Variants in JAKMIP3 observed in about 807,000 individuals in gnomAD.
The protein encoded by JAKMIP3 is Janus kinase and microtubule interacting protein 3.
In JAKMIP3, 58 loss-of-function variants were observed where a neutral mutation model predicts 118.5. The observed-to-expected ratio is 0.49, with a 90% CI of 0.40 to 0.61. The LOEUF (loss-of-function observed/expected upper bound fraction) is 0.61, where lower values mean the gene tolerates loss of function less well. Among genes scored for constraint, JAKMIP3 ranks in the 20% least tolerant of loss-of-function variants. The pLI, the probability that JAKMIP3 is intolerant of heterozygous loss-of-function variation, is 0.00. For synonymous variants in JAKMIP3, 486 were observed against 451.2 expected, an observed-to-expected ratio of 1.08 and a Z score of -0.98; for missense variants, 950 against 1,109.0, an observed-to-expected ratio of 0.86 and a Z score of 2.04.
Position 132,140,513 on chromosome 10 carries a change from C to A in JAKMIP3, c.1407C>A (p.Ser469=), listed in dbSNP as rs2053276307. The change falls in exon 10 of 24, where the codon TCC becomes TCA. Residue 469 remains serine, a synonymous_variant. Coordinates refer to ENST00000684848, the MANE Select transcript of JAKMIP3 (RefSeq NM_001323087.2). ...AGGCTTCCCTGGAATCCGACGGCTCCTCCGTCTCTTACCAAACAGACAGGA... is the reference window on the plus strand; with the variant it reads ...AGGCTTCCCTGGAATCCGACGGCTCATCCGTCTCTTACCAAACAGACAGGA... ...DEEASLESDG[S]SVSYQTDRTD... 1.9e-6 allele frequency: 3 copies of A among 1,613,720 alleles called. No homozygotes were observed.
upstream of JAKMIP3, among the ~76,000 whole-genome samples, chr10:132,065,752 C>A (rs558650354): frequency 6.6e-6 from 1 of 151,990 alleles, no homozygotes; most frequent in South Asian, 2.1e-4. The surrounding 1 kb of genome is among the most constrained non-coding windows in gnomAD (Gnocchi z 5.6). Context: ...TCTGTTCGCG[C>A]CCTGCAGGGA....
chr10:132,139,615 G>A (rs183656290), intron 9 of JAKMIP3, among the ~76,000 whole-genome samples: 205 of 152,334 alleles, frequency 1.3e-3, no homozygotes, highest in Non-Finnish European at 2.6e-3. Context: ...AAGGTGGAGA[G>A]GAGGAGCTGT....
chr10:132,150,194 C>T (rs1464609737), intron 16 of JAKMIP3, among the ~76,000 whole-genome samples, 153 bp downstream of exon 16: 4 of 151,692 alleles, frequency 2.6e-5, no homozygotes, highest in Non-Finnish European at 5.9e-5. Context: ...TGCTCAGAAT[C>T]GGAGCCTTCC....
At chr10:132,121,731 G>A (rs146258540) in intron 3 of JAKMIP3, among the ~76,000 whole-genome samples, 169 of 152,262 alleles carry the variant, frequency 1.1e-3, no homozygotes, top group Non-Finnish European at 1.5e-3. Flanking sequence ...CTGGGACACT[G>A]TGGGAGCTGG....
chr10:132,072,482 C>T (rs1186100999), intron 1 of JAKMIP3, among the ~76,000 whole-genome samples: 2 of 152,086 alleles, frequency 1.3e-5, no homozygotes. Context: ...CTGCAGTGAG[C>T]CATGATCGTA....
chr10:132,092,351 C>T (rs1290876120), intron 1 of JAKMIP3, among the ~76,000 whole-genome samples: 1 of 152,190 alleles, frequency 6.6e-6, no homozygotes, highest in African/African-American at 2.4e-5. Context: ...GGATAATATC[C>T]TGCAGAGTGT....
rs1005161344 is a variant in JAKMIP3, at chr10:132,124,052, G to A, written c.633+6478G>A. 4.6e-5 allele frequency among the ~76,000 whole-genome samples: 7 copies of A among 152,336 alleles called. No homozygotes were observed. The East Asian group carries it at 7.7e-4, about 17-fold the overall frequency. On this transcript the variant is annotated intron_variant, in intron 3 of 23. Coordinates refer to ENST00000684848, the MANE Select transcript of JAKMIP3 (RefSeq NM_001323087.2). Reference sequence around the variant, plus strand: ...AGGGTAACGCCTGGCATCAGGGTTCGCTTTTCTTTCCATTTTGTGGATGTT... The same window carrying A: ...AGGGTAACGCCTGGCATCAGGGTTCACTTTTCTTTCCATTTTGTGGATGTT...
chr10:132,103,813 G>A (rs2045486962), intron 1 of JAKMIP3, among the ~76,000 whole-genome samples: 1 of 152,050 alleles, frequency 6.6e-6, no homozygotes, highest in Non-Finnish European at 1.5e-5. Context: ...CACTCCCCTT[G>A]AGGGACACAG....
intron 9 of JAKMIP3, among the ~76,000 whole-genome samples, chr10:132,138,669 G>A (rs2135833929): frequency 6.6e-6 from 1 of 152,232 alleles, no homozygotes; most frequent in Non-Finnish European, 1.5e-5. Flanking sequence ...ATAGGAATTG[G>A]TAACAACCAT....
Position 132,140,557 on chromosome 10 carries a change from C to T in JAKMIP3, c.1451C>T (p.Thr484Ile). Residue 484 changes from threonine to isoleucine, a missense_variant, in exon 10 of 24, where the codon ACC (threonine) becomes ATC (isoleucine). By Grantham distance (89) the Thr-to-Ile change is moderately conservative (BLOSUM62 -1). Transcript: ENST00000684848. ...QTDRTDQTPCTPDDDLEEGMA... is the reference protein window; with the variant it reads ...QTDRTDQTPCIPDDDLEEGMA... ...GACAGGACGGACCAGACCCCGTGCA[C>T]CCCGGACGATGACTTGGAGGAGGTA... 3 of 1,603,444 alleles carry T rather than the reference C, an allele frequency of 1.9e-6. No homozygotes were observed. The highest frequency in any genetic ancestry group is 2.5e-6 in the Non-Finnish European group (3 of 1,178,004).
rs138515193 is a variant in JAKMIP3, at chr10:132,049,700, C to T, written c.-138+12962C>T. Among the ~76,000 whole-genome samples, 1,730 of 152,012 alleles carry T rather than the reference C, an allele frequency of 0.011. 20 individuals carry two copies. Among genetic ancestry groups the T allele is most frequent in the South Asian group, 0.024 (117 of 4,804 alleles). On this transcript the variant is annotated intron_variant, in intron 1 of 23. Transcript: ENST00000657785. The surrounding 1 kb of genome is among the most constrained non-coding windows in gnomAD (Gnocchi z 4.3). ...GGTCTCACTATGCTGCCCAGGCTGG[C>T]CTCCAACTCCTGAATTCAAGTGATC...
At chr10:132,149,383 CG>C (rs1208305558) in intron 14 of JAKMIP3, 28 bp from the exon 15 acceptor site, 9 of 1,435,880 alleles carry the variant, frequency 6.3e-6, no homozygotes, top group Non-Finnish European at 8.7e-6. Context: ...GGGAGGGGAG[CG>C]GCTCACCCTT....
Position 132,044,558 on chromosome 10 carries a change from C to T in JAKMIP3, c.-138+7820C>T, listed in dbSNP as rs932913286. On this transcript the variant is annotated intron_variant, in intron 1 of 23. Coordinates refer to the JAKMIP3 transcript ENST00000657785. The surrounding 1 kb of genome is among the most constrained non-coding windows in gnomAD (Gnocchi z 5.3). ...AGGAGTGGGAGAAGCCAGTGTGGCC[C>T]AAGGGAGCTGGGGTGCACCTGGGAC... Among the ~76,000 whole-genome samples the T allele has an allele frequency of 6.6e-6, 1 of 152,046 alleles. No individual in the cohort carries two copies. The highest frequency in any genetic ancestry group is 1.5e-5 in the Non-Finnish European group (1 of 68,014).
At chr10:132,162,636 A>G (rs1743693232) in intron 19 of JAKMIP3, among the ~76,000 whole-genome samples, 1 of 152,262 alleles carries the variant, frequency 6.6e-6, no homozygotes, top group Non-Finnish European at 1.5e-5. Flanking sequence ...GGTTGGGAAG[A>G]AAGAGCCTCT....
chr10:132,037,617 C>T (rs2133738281), intron 1 of JAKMIP3, among the ~76,000 whole-genome samples: 1 of 152,276 alleles, frequency 6.6e-6, no homozygotes, highest in Non-Finnish European at 1.5e-5. Flanking sequence ...GGTGGTGAAT[C>T]AGTGCTGGCT....
chr10:132,153,535 T>C (rs545902418), intron 17 of JAKMIP3, among the ~76,000 whole-genome samples: 1 of 150,174 alleles, frequency 6.7e-6, no homozygotes, highest in East Asian at 2.0e-4. Flanking sequence ...CCTCCTCTCC[T>C]GGAGAAGGTG....
intron 4 of JAKMIP3, among the ~76,000 whole-genome samples, chr10:132,134,488 C>T (rs564454147): frequency 6.6e-5 from 10 of 152,298 alleles, no homozygotes; most frequent in African/African-American, 2.2e-4. Context: ...TGAGTGAAGT[C>T]CCAGGGGTCC....
At chr10:132,077,800 G>A (rs1037439392) in intron 1 of JAKMIP3, among the ~76,000 whole-genome samples, 4 of 152,034 alleles carry the variant, frequency 2.6e-5, no homozygotes, top group Non-Finnish European at 4.4e-5. Flanking sequence ...ACAGGTGCCC[G>A]CTACCATGCC....
At position 132,044,767 on chromosome 10, in the gene JAKMIP3, C is replaced by T. The variant is rs1482748461; in HGVS notation, c.-138+8029C>T. Among the ~76,000 whole-genome samples, 1 of 152,182 alleles carries T rather than the reference C, an allele frequency of 6.6e-6. No individual in the cohort carries two copies. The highest frequency in any genetic ancestry group is 1.5e-5 in the Non-Finnish European group (1 of 68,028). ...ATCGCAGTGCTGTGCAAACCACCTCCAGAACGATTTCATCTTCCCAAACGG... is the reference window on the plus strand; with the variant it reads ...ATCGCAGTGCTGTGCAAACCACCTCTAGAACGATTTCATCTTCCCAAACGG... On this transcript the variant is annotated intron_variant, in intron 1 of 23. Coordinates refer to the JAKMIP3 transcript ENST00000657785. The surrounding 1 kb of genome is among the most constrained non-coding windows in gnomAD (Gnocchi z 5.3).
Sources: gnomAD v4.1 joint callset for allele counts (sites outside exome capture counted in the v4.1 genomes callset) on GRCh38, gnomAD v4.1.1 for gene constraint, Gnocchi (gnomAD v3.1) non-coding constraint, MANE v1.5 for transcripts, NCBI Gene and HGNC (gene_info 2026-07-23, HGNC 2026-07-21) for gene names.